Variants in GRIK2 observed in about 807,000 individuals in gnomAD.
GRIK2 encodes glutamate ionotropic receptor kainate type subunit 2, also known as glutamate receptor ionotropic, kainate 2.
GRIK2 carries 32 observed loss-of-function variants against 100.3 expected under a neutral mutation model. The ratio of observed to expected loss-of-function variants is 0.32; its 90% CI spans 0.24 to 0.43. The LOEUF is 0.43. Ranked by LOEUF, GRIK2 falls within the 20% of genes least tolerant of loss-of-function variation. The pLI, the probability that GRIK2 is intolerant of heterozygous loss-of-function variation, is 1.00. For missense variants in GRIK2, 843 were observed against 1,114.9 expected, an observed-to-expected ratio of 0.76 and a Z score of 3.47; for synonymous variants, 417 against 389.4, an observed-to-expected ratio of 1.07 and a Z score of -0.83.
At chr6:102,064,987 C>A (rs548650797) in intron 16 of GRIK2, among the ~76,000 whole-genome samples, 16 of 151,136 alleles carry the variant, frequency 1.1e-4, no homozygotes, top group Non-Finnish European at 2.1e-4. Context: ...TTATCAATAA[C>A]CTAAATAAAC....
intron 12 of GRIK2, among the ~76,000 whole-genome samples, chr6:101,914,611 C>T (rs183535567): frequency 4.0e-5 from 6 of 151,410 alleles, no homozygotes; most frequent in Admixed American, 2.0e-4. Flanking sequence ...CTGATCCTGA[C>T]AATGTGTTGC....
chr6:102,038,016 T>C (rs1362546658), intron 15 of GRIK2, among the ~76,000 whole-genome samples: 1 of 151,508 alleles, frequency 6.6e-6, no homozygotes, highest in Non-Finnish European at 1.5e-5. Flanking sequence ...TATTCTGAAC[T>C]TATTCTTGTC....
chr6:101,443,573 G>A (rs1770201272), intron 2 of GRIK2, among the ~76,000 whole-genome samples: 1 of 151,998 alleles, frequency 6.6e-6, no homozygotes, highest in Admixed American at 6.6e-5. Context: ...CTAAAGTGGG[G>A]CAGGTTCATT....
At chr6:101,498,775 A>G (rs1452669384) in intron 2 of GRIK2, among the ~76,000 whole-genome samples, 3 of 152,008 alleles carry the variant, frequency 2.0e-5, no homozygotes, top group Non-Finnish European at 4.4e-5. Flanking sequence ...TTAGCCCTTT[A>G]TCAGATGAGT....
intron 7 of GRIK2, among the ~76,000 whole-genome samples, chr6:101,752,480 G>A (rs1776854993): frequency 6.6e-6 from 1 of 151,870 alleles, no homozygotes; most frequent in African/African-American, 2.4e-5. Context: ...CAGTTCATAG[G>A]CTTCTCTGTA....
intron 10 of GRIK2, among the ~76,000 whole-genome samples, chr6:101,824,359 C>T (rs13210358): frequency 0.013 from 2,022 of 152,214 alleles, 22 homozygotes; most frequent in Non-Finnish European, 0.022. Flanking sequence ...TAGCTTAGCT[C>T]CCATTTATGA....
intron 15 of GRIK2, among the ~76,000 whole-genome samples, chr6:102,040,983 C>G (rs1040086909): frequency 2.0e-5 from 3 of 151,518 alleles, no homozygotes; most frequent in Non-Finnish European, 4.4e-5. Context: ...AAATCTAGAT[C>G]TAATAATTTT....
chr6:101,492,479 A>T (rs182028832), intron 2 of GRIK2, among the ~76,000 whole-genome samples: 414 of 151,502 alleles, frequency 2.7e-3, no homozygotes, highest in Middle Eastern at 6.8e-3. Context: ...TCATTTTTTT[A>T]AAAAAAAATT....
chr6:101,490,246 A>G (rs1773036073), intron 2 of GRIK2, among the ~76,000 whole-genome samples: 2 of 147,142 alleles, frequency 1.4e-5, no homozygotes, highest in Admixed American at 1.4e-4. Context: ...TTCTTGGGCC[A>G]TCTCATTTAG....
chr6:101,773,352 C>T (rs1056163436), intron 7 of GRIK2, among the ~76,000 whole-genome samples: 1 of 151,698 alleles, frequency 6.6e-6, no homozygotes, highest in South Asian at 2.1e-4. Context: ...AGGTGGCACG[C>T]GCCTATAGTC....
chr6:101,583,502 C>G (rs1778201567), intron 2 of GRIK2, among the ~76,000 whole-genome samples: 1 of 152,062 alleles, frequency 6.6e-6, no homozygotes, highest in Non-Finnish European at 1.5e-5. Context: ...ACTGCTGATG[C>G]TTGCAATTCA....
chr6:101,758,164 A>G (rs1191195192), intron 7 of GRIK2, among the ~76,000 whole-genome samples: 1 of 152,172 alleles, frequency 6.6e-6, no homozygotes, highest in Non-Finnish European at 1.5e-5. Context: ...GGGAGGTTGC[A>G]TTGAGCCAAG....
chr6:101,658,301 G>A (rs1273565039), intron 4 of GRIK2, among the ~76,000 whole-genome samples: 1 of 152,168 alleles, frequency 6.6e-6, no homozygotes, highest in Non-Finnish European at 1.5e-5. Flanking sequence ...AGAACATGCA[G>A]TGTTTGGTAT....
At chr6:102,040,672 A>C (rs1770516635) in intron 15 of GRIK2, among the ~76,000 whole-genome samples, 1 of 151,594 alleles carries the variant, frequency 6.6e-6, no homozygotes, top group Non-Finnish European at 1.5e-5. Flanking sequence ...GTAAAAATAG[A>C]AATCAGTATG....
intron 2 of GRIK2, among the ~76,000 whole-genome samples, chr6:101,551,421 C>T (rs1776502877): frequency 6.6e-6 from 1 of 152,014 alleles, no homozygotes; most frequent in Non-Finnish European, 1.5e-5. Context: ...TATCCACAGA[C>T]ATGGGAGAAC....
intron 2 of GRIK2, among the ~76,000 whole-genome samples, chr6:101,454,108 T>C (rs775081421): frequency 2.0e-5 from 3 of 152,026 alleles, no homozygotes; most frequent in Non-Finnish European, 4.4e-5. Context: ...GAAGGCCGAT[T>C]TTCCTGTTGC....
chr6:101,503,230 C>T (rs958406642), intron 2 of GRIK2, among the ~76,000 whole-genome samples: 1 of 152,022 alleles, frequency 6.6e-6, no homozygotes, highest in Non-Finnish European at 1.5e-5. Flanking sequence ...GAGATAAATA[C>T]TTACTGATCT....
At chr6:102,030,765 T>G (rs915207301) in intron 14 of GRIK2, among the ~76,000 whole-genome samples, 6 of 151,154 alleles carry the variant, frequency 4.0e-5, no homozygotes, top group Non-Finnish European at 5.9e-5. Flanking sequence ...CATCTTATCT[T>G]CCTCTCCTGT....
At position 101,850,468 on chromosome 6, in the gene GRIK2, A is replaced by G. The variant is rs916676405; in HGVS notation, c.1318-8819A>G. ...CTATGTTTTAAGTAGCATGAGTAAG[A>G]CACTGATATCTCAGGGTTAACATAT... On this transcript the variant is annotated intron_variant, in intron 10 of 16. Coordinates refer to ENST00000369134, the MANE Select transcript of GRIK2 (RefSeq NM_021956.5). 2.0e-5 allele frequency among the ~76,000 whole-genome samples: 3 copies of G among 152,040 alleles called. No individual in the cohort carries two copies. In the East Asian group the frequency reaches 5.8e-4, roughly 29 times the overall value.
Sources: allele counts gnomAD v4.1 joint callset (sites outside exome capture counted in the v4.1 genomes callset), GRCh38; gene constraint gnomAD v4.1.1; transcripts MANE v1.5; gene names NCBI Gene and HGNC (gene_info 2026-07-23, HGNC 2026-07-21).